MAST4: variants seen among roughly 807,000 people sequenced by gnomAD.
MAST4 encodes microtubule associated serine/threonine kinase family member 4.
In MAST4, 89 loss-of-function variants were observed where a neutral mutation model predicts 162.7. That is an observed-to-expected ratio of 0.55 (90% CI 0.46 to 0.65). MAST4 has a LOEUF of 0.65. Among genes scored for constraint, MAST4 ranks in the 30% least tolerant of loss-of-function variants. MAST4 has a pLI of 0.00. For synonymous variants in MAST4, 1,479 were observed against 1,361.1 expected (o/e 1.09, Z -1.91); for missense variants, 3,153 against 3,374.0 (o/e 0.93, Z 1.62).
chr5:66,648,073 TGTGTGTGTGTGAGA>T (rs1370897171), intron 1 of MAST4, among the ~76,000 whole-genome samples: 2,554 of 94,570 alleles, frequency 0.027, 72 homozygotes, highest in African/African-American at 0.1. Context: ...TGTGTGTGTG[TGTGTGTGTGTGAGA>T]GAGAGAGAGA....
At chr5:67,009,868 A>T (rs1392127885) in intron 4 of MAST4, among the ~76,000 whole-genome samples, 1 of 152,186 alleles carries the variant, frequency 6.6e-6, no homozygotes, top group East Asian at 1.9e-4. Context: ...GCAGGGCTAG[A>T]TAAAGAATGA....
intron 4 of MAST4, among the ~76,000 whole-genome samples, chr5:66,929,348 T>C (rs763316993): frequency 1.1e-4 from 16 of 152,192 alleles, no homozygotes; most frequent in Non-Finnish European, 2.2e-4. Context: ...TTTTTTGTTC[T>C]GTCTGGGCCA....
At chr5:66,680,883 C>T (rs957656667) in intron 1 of MAST4, among the ~76,000 whole-genome samples, 4 of 152,162 alleles carry the variant, frequency 2.6e-5, no homozygotes, top group Non-Finnish European at 2.9e-5. Context: ...CAAGCGCACC[C>T]GAAGACATGC....
chr5:67,144,653 A>T lies in MAST4; in HGVS notation c.2731-16A>T, dbSNP rs759495920. The T allele has an allele frequency of 1.2e-6, 2 of 1,611,916 alleles. No individual in the cohort carries two copies. ...TTTTAGTAGATATTAATAAGCACCAATTATTTGCCTTCCAGGTTTTCAGCA... is the reference window on the plus strand; with the variant it reads ...TTTTAGTAGATATTAATAAGCACCATTTATTTGCCTTCCAGGTTTTCAGCA... On this transcript the variant is annotated splice_polypyrimidine_tract_variant and intron_variant, in intron 21 of 28. Transcript: ENST00000403625.
chr5:66,903,012 G>A (rs1437333855), intron 4 of MAST4, among the ~76,000 whole-genome samples: 5 of 152,104 alleles, frequency 3.3e-5, no homozygotes, highest in African/African-American at 1.2e-4. Flanking sequence ...CTTATCAGCA[G>A]GTATAATTGC....
At chr5:67,116,725 A>G (rs1561674618) in intron 12 of MAST4, among the ~76,000 whole-genome samples, 1 of 152,016 alleles carries the variant, frequency 6.6e-6, no homozygotes, top group Non-Finnish European at 1.5e-5. Flanking sequence ...CTGAGGCAGG[A>G]GAATCGCTCG....
At chr5:66,776,969 A>G (rs1561323438) in intron 2 of MAST4, among the ~76,000 whole-genome samples, 1 of 152,162 alleles carries the variant, frequency 6.6e-6, no homozygotes, top group East Asian at 1.9e-4. Context: ...AGAATCGGTA[A>G]AAGCATCCTG....
chr5:67,030,458 A>G (rs1222953719), intron 4 of MAST4, among the ~76,000 whole-genome samples: 2 of 152,192 alleles, frequency 1.3e-5, no homozygotes, highest in Non-Finnish European at 2.9e-5. Context: ...AGGTAACCAT[A>G]GCACTGGTGG....
intron 6 of MAST4, chr5:67,094,282 A>G (rs982877420): frequency 3.7e-6 from 2 of 539,522 alleles, no homozygotes; most frequent in Admixed American, 3.7e-5. Flanking sequence ...ATGGCAGCCT[A>G]TAATTTTATT....
At chr5:67,087,451 A>G (rs889973151) in intron 5 of MAST4, among the ~76,000 whole-genome samples, 6 of 152,292 alleles carry the variant, frequency 3.9e-5, no homozygotes, top group South Asian at 2.1e-4. Context: ...CTAACTAATC[A>G]GTACCAATAA....
intron 1 of MAST4, among the ~76,000 whole-genome samples, chr5:66,653,747 G>A (rs1746375701): frequency 6.6e-6 from 1 of 152,132 alleles, no homozygotes; most frequent in Non-Finnish European, 1.5e-5. Context: ...CATAAGTCTG[G>A]CTTTCTCCAT....
At chr5:66,690,546 A>C (rs558542732) in intron 1 of MAST4, among the ~76,000 whole-genome samples, 3 of 152,334 alleles carry the variant, frequency 2.0e-5, no homozygotes, top group Admixed American at 6.5e-5. Flanking sequence ...TTCTTCAAAT[A>C]CAAGAATGTT....
intron 4 of MAST4, chr5:66,916,982 G>A (rs1764157334): frequency 2.8e-6 from 2 of 717,604 alleles, no homozygotes; most frequent in Admixed American, 4.0e-5. Flanking sequence ...TTCTCCTATA[G>A]GATAGATTCC....
intron 1 of MAST4, among the ~76,000 whole-genome samples, chr5:66,657,975 G>A (rs867821369): frequency 3.5e-4 from 54 of 152,138 alleles, no homozygotes; most frequent in African/African-American, 1.1e-3. Flanking sequence ...TAAACTATAC[G>A]AAGAATAATT....
At chr5:67,090,462 G>A (rs1433119046) in intron 6 of MAST4, among the ~76,000 whole-genome samples, 7 of 60,760 alleles carry the variant, frequency 1.2e-4, no homozygotes, top group African/African-American at 2.2e-4. Context: ...CCCCCTCCCC[G>A]CTTCTCCCCC....
At chr5:66,962,652 T>C (rs947936691) in intron 4 of MAST4, among the ~76,000 whole-genome samples, 1 of 152,142 alleles carries the variant, frequency 6.6e-6, no homozygotes, top group African/African-American at 2.4e-5. Flanking sequence ...GAGGCTGCAG[T>C]AAGCCACTAC....
intron 1 of MAST4, among the ~76,000 whole-genome samples, chr5:66,755,122 C>G (rs1753449679): frequency 1.3e-5 from 2 of 151,990 alleles, no homozygotes; most frequent in African/African-American, 4.8e-5. Flanking sequence ...TCTTGAGATG[C>G]TATTGCAAGA....
At chr5:66,760,078 T>TTAATTA (rs1561312357) in intron 2 of MAST4, among the ~76,000 whole-genome samples, 4 of 29,586 alleles carry the variant, frequency 1.4e-4, no homozygotes, top group African/African-American at 4.6e-4. Context: ...CAATATCCCC[T>TTAATTA]ATTTATTTAT....
At chr5:66,974,179 A>G (rs1747822278) in intron 4 of MAST4, among the ~76,000 whole-genome samples, 1 of 152,216 alleles carries the variant, frequency 6.6e-6, no homozygotes, top group Non-Finnish European at 1.5e-5. Context: ...TATAGCGAAT[A>G]TCTCACCTGA....
Sources: gnomAD v4.1 joint callset for allele counts (sites outside exome capture counted in the v4.1 genomes callset) on GRCh38, gnomAD v4.1.1 for gene constraint, MANE v1.5 for transcripts, NCBI Gene and HGNC (gene_info 2026-07-23, HGNC 2026-07-21) for gene names.